The following SQSTM1 variants were observed in gnomAD, a reference collection of about 807,000 sequenced individuals.
SQSTM1 encodes sequestosome-1.
In SQSTM1, 36 loss-of-function variants were observed where a neutral mutation model predicts 45.1. That is an observed-to-expected ratio of 0.80 (90% CI 0.61 to 1.05). The LOEUF (loss-of-function observed/expected upper bound fraction) is 1.05, where lower values mean the gene tolerates loss of function less well. Among genes scored for constraint, SQSTM1 ranks in the 50% least tolerant of loss-of-function variants. The pLI, the probability that SQSTM1 is intolerant of heterozygous loss-of-function variation, is 0.00. For missense variants in SQSTM1, 617 were observed against 607.1 expected (o/e 1.02, Z -0.17); for synonymous variants, 290 against 244.3 (o/e 1.19, Z -1.74).
chr5:179,834,911 C>T (rs1017288827), intron 7 of SQSTM1, among the ~76,000 whole-genome samples: 1 of 152,244 alleles, frequency 6.6e-6, no homozygotes, highest in Non-Finnish European at 1.5e-5. Flanking sequence ...TCTCAATGAG[C>T]TGTTGGGTAC....
intron 5 of SQSTM1, among the ~76,000 whole-genome samples, chr5:179,826,534 G>A (rs889098646): frequency 2.6e-5 from 4 of 151,902 alleles, no homozygotes; most frequent in South Asian, 4.2e-4. Context: ...GCCCAAACAC[G>A]CATGGCTTCT....
intron 5 of SQSTM1, among the ~76,000 whole-genome samples, chr5:179,826,870 C>T (rs375507741): frequency 2.6e-4 from 39 of 151,994 alleles, no homozygotes; most frequent in African/African-American, 8.7e-4. Context: ...TGTGAGCCAC[C>T]GAGCCCGGCC....
upstream of SQSTM1, among the ~76,000 whole-genome samples, chr5:179,818,422 C>G (rs138560246): frequency 6.6e-6 from 1 of 152,192 alleles, no homozygotes; most frequent in Non-Finnish European, 1.5e-5. Flanking sequence ...AGCACCCACG[C>G]GGACACTTGA....
chr5:179,810,424 G>A (rs1288890885), intron 1 of SQSTM1, among the ~76,000 whole-genome samples: 1 of 152,142 alleles, frequency 6.6e-6, no homozygotes, highest in Non-Finnish European at 1.5e-5. Context: ...CTTCATCCGT[G>A]TCCCTACAAA....
rs757778292 is a variant in SQSTM1, at chr5:179,825,167, C to T, written c.695C>T (p.Pro232Leu). 11 of 1,613,952 alleles carry T rather than the reference C, an allele frequency of 6.8e-6. No homozygotes were observed. The highest frequency in any genetic ancestry group is 2.7e-5 in the African/African-American group (2 of 74,914). ...AAAGCTTCTGGTCCATCGGAGGATC[C>T]GAGTGTGAATTTCCTGAAGAACGTT... is the stretch of plus-strand genomic sequence containing the variant. ...AESASGPSED[P>L]SVNFLKNVGE... Residue 232 changes from proline (P) to leucine (L), a missense_variant, in exon 5 of 8, where the codon CCG becomes CTG. Physicochemically the swap from Pro to Leu is moderately conservative, Grantham distance 98. Transcript: ENST00000389805.
At chr5:179,825,371 C>A in intron 5 of SQSTM1, 145 bp downstream of exon 5, 1 of 764,462 alleles carries the variant, frequency 1.3e-6, no homozygotes, top group Non-Finnish European at 2.3e-6. Flanking sequence ...TTTAGTAGTG[C>A]TGGACCACGG....
intron 2 of SQSTM1, among the ~76,000 whole-genome samples, chr5:179,823,325 G>T (rs1281815452): frequency 6.6e-6 from 1 of 151,594 alleles, no homozygotes; most frequent in African/African-American, 2.4e-5. Flanking sequence ...AATTAGCCGG[G>T]TGTGGTGGTA....
Position 179,824,428 on chromosome 5 carries a change from C to T in SQSTM1, c.673+105C>T, listed in dbSNP as rs1290691568. On this transcript the variant is annotated intron_variant, in intron 4 of 7. Coordinates refer to ENST00000389805, the MANE Select transcript of SQSTM1 (RefSeq NM_003900.5). ...GTGTGCAAGGCAAGAATTCAGGATA[C>T]CCCCCACCTTCCTGGTGCCCTACAA... 3 of 1,509,268 alleles carry T rather than the reference C, an allele frequency of 2.0e-6. No homozygotes were observed. In the African/African-American group the frequency reaches 4.1e-5, roughly 21 times the overall value. The allele number at this position is 1,509,268 out of a possible 1,614,324, so 93.5% of individuals were successfully genotyped here.
chr5:179,833,466 C>G (rs1473301839), intron 6 of SQSTM1, 121 bp from the exon 7 acceptor site: 4 of 1,137,344 alleles, frequency 3.5e-6, no homozygotes, highest in South Asian at 1.3e-5. Flanking sequence ...CCCTAGACCC[C>G]TGCAGCCTTA....
chr5:179,819,822 A>G (rs2113476825), upstream of SQSTM1, among the ~76,000 whole-genome samples: 2 of 152,316 alleles, frequency 1.3e-5, no homozygotes, highest in South Asian at 4.1e-4. Context: ...CCTGTGGACC[A>G]GCCCCTGCTG....
chr5:179,833,604 T>TC lies in SQSTM1; in HGVS notation c.987_988insC (p.Asn330GlnfsTer7). ...TGTTCCAGGAACAGATGGAGTCGGA[T>TC]AACTGTTCAGGAGGAGATGATGACT... is the stretch of plus-strand genomic sequence containing the variant. On this transcript the variant is annotated frameshift_variant, in exon 7 of 8. Coordinates refer to ENST00000389805, the MANE Select transcript of SQSTM1 (RefSeq NM_003900.5). LOFTEE classifies it high-confidence loss of function. 6.2e-7 allele frequency: 1 copy of TC among 1,614,154 alleles called. No individual in the cohort carries two copies. Among genetic ancestry groups the TC allele is most frequent in the Non-Finnish European group, 8.5e-7 (1 of 1,180,028 alleles).
At chr5:179,827,564 G>A (rs1233373714) in intron 5 of SQSTM1, among the ~76,000 whole-genome samples, 2 of 152,214 alleles carry the variant, frequency 1.3e-5, no homozygotes, top group Non-Finnish European at 2.9e-5. Context: ...GATTACAGGC[G>A]TGAGCCACTG....
intron 7 of SQSTM1, chr5:179,835,033 C>G (rs1287044864): frequency 4.6e-6 from 1 of 216,522 alleles, no homozygotes; most frequent in African/African-American, 2.4e-5. Context: ...GGCGGAGGGT[C>G]TCCTCACTTC....
chr5:179,835,132 G>A (rs10061964), intron 7 of SQSTM1: 96,001 of 211,188 alleles, frequency 0.45, 22,549 homozygotes, highest in East Asian at 0.77. Flanking sequence ...CAGACAGGGC[G>A]GCGGGGCAGA....
rs1757889816 is a variant in SQSTM1, at chr5:179,823,952, T to C, written c.396T>C (p.Asn132=). The C allele has an allele frequency of 3.1e-6, 5 of 1,613,880 alleles. No individual in the cohort carries two copies. The highest frequency in any genetic ancestry group is 4.2e-6 in the Non-Finnish European group (5 of 1,180,036). ...VHPNVICDGC[N]GPVVGTRYKC... Reference sequence around the variant, plus strand: ...CCAATGTGATCTGCGATGGCTGCAATGGGCCTGTGGTAGGAACCCGCTACA... The same window carrying C: ...CCAATGTGATCTGCGATGGCTGCAACGGGCCTGTGGTAGGAACCCGCTACA... The change falls in exon 3 of 8, where the codon AAT becomes AAC. Residue 132 remains asparagine (N), a synonymous_variant. Transcript: ENST00000389805.
chr5:179,824,271 C>T lies in SQSTM1; in HGVS notation c.621C>T (p.Ser207=), dbSNP rs545300445. 5.6e-6 allele frequency: 9 copies of T among 1,613,818 alleles called. No homozygotes were observed. The Admixed American group carries it at 1.5e-4, about 27-fold the overall frequency. Residue 207 remains serine (S), a synonymous_variant, in exon 4 of 8, where the codon AGC becomes AGT. Transcript: ENST00000389805. ...AAATGGGTCCACCAGGAAACTGGAG[C>T]CCACGTCCTCCTCGTGCAGGGGAGG... ...GWEMGPPGNW[S]PRPPRAGEAR...
At chr5:179,828,369 C>CTTTTTTTTTTTTTTTTTT (rs57483633) in intron 5 of SQSTM1, among the ~76,000 whole-genome samples, 17 of 98,298 alleles carry the variant, frequency 1.7e-4, no homozygotes, top group South Asian at 3.4e-4. Context: ...TTTTTCTTAT[C>CTTTTTTTTTTTTTTTTTT]TTTTTTTTTT....
At chr5:179,814,001 C>T (rs370173021), upstream of SQSTM1, among the ~76,000 whole-genome samples, 1 of 152,158 alleles carries the variant, frequency 6.6e-6, no homozygotes, top group Non-Finnish European at 1.5e-5. Context: ...TCCTAGTACA[C>T]GAATAAAAAT....
intron 1 of SQSTM1, chr5:179,807,763 C>G (rs1318855595): frequency 6.6e-6 from 1 of 152,402 alleles, no homozygotes; most frequent in East Asian, 1.9e-4. Context: ...AGCGATTCCC[C>G]TGCCCCAGCC....
Sources: gnomAD v4.1 joint callset for allele counts (sites outside exome capture counted in the v4.1 genomes callset) on GRCh38, gnomAD v4.1.1 for gene constraint, MANE v1.5 for transcripts, NCBI Gene and HGNC (gene_info 2026-07-23, HGNC 2026-07-21) for gene names.